RUFY4: variants seen among roughly 807,000 people sequenced by gnomAD.
RUFY4 encodes RUN and FYVE domain containing 4.
A neutral mutation model predicts 69.0 loss-of-function variants in RUFY4; 73 were observed. The ratio of observed to expected loss-of-function variants is 1.06; its 90% CI spans 0.88 to 1.29. RUFY4 has a LOEUF of 1.29. RUFY4 is among the 50% of genes most tolerant of loss of function. RUFY4 has a pLI of 0.00. For synonymous variants in RUFY4, 287 were observed against 271.8 expected (o/e 1.06, Z -0.55); for missense variants, 770 against 705.6 (o/e 1.09, Z -1.03).
At chr2:218,080,695 C>T (rs1248715513) in intron 8 of RUFY4, among the ~76,000 whole-genome samples, 1 of 152,192 alleles carries the variant, frequency 6.6e-6, no homozygotes, top group East Asian at 1.9e-4. Context: ...TCACATGACC[C>T]CCAGCCCCTG....
chr2:218,035,776 T>TC (rs1241491605), intron 2 of RUFY4, among the ~76,000 whole-genome samples: 3 of 152,076 alleles, frequency 2.0e-5, no homozygotes, highest in Non-Finnish European at 4.4e-5. Flanking sequence ...GGCACCCTGC[T>TC]CCCCCCACAC....
chr2:218,056,081 C>G (rs958926727), intron 2 of RUFY4, among the ~76,000 whole-genome samples: 1 of 152,224 alleles, frequency 6.6e-6, no homozygotes, highest in African/African-American at 2.4e-5. Context: ...AGGTGACACT[C>G]TCTGCTTTAA....
At chr2:218,083,685 T>G (rs1689823071) in intron 9 of RUFY4, among the ~76,000 whole-genome samples, 1 of 151,102 alleles carries the variant, frequency 6.6e-6, no homozygotes, top group Admixed American at 6.6e-5. Flanking sequence ...GAGGCAGAGG[T>G]TGCAGTGAGC....
At chr2:218,063,833 A>G (rs1031519981) in intron 3 of RUFY4, among the ~76,000 whole-genome samples, 3 of 152,142 alleles carry the variant, frequency 2.0e-5, no homozygotes, top group Non-Finnish European at 4.4e-5. Context: ...ACGTCAGCCC[A>G]TAAGGCAAGG....
intron 2 of RUFY4, among the ~76,000 whole-genome samples, chr2:218,049,186 C>A (rs900830445): frequency 1.2e-4 from 18 of 152,122 alleles, no homozygotes; most frequent in Admixed American, 2.6e-4. Flanking sequence ...AGGTTTGGGA[C>A]CTCATCATCT....
In RUFY4 at chr2:218,089,652, G is replaced by A. The variant is rs74675888; in HGVS notation, c.1613+290G>A. The A allele has an allele frequency of 3.6e-3, 2,508 of 702,578 alleles. 66 individuals carry two copies. The African/African-American group carries it at 0.037, about 10-fold the overall frequency. 43.5% of individuals were successfully genotyped at this position (702,578 alleles called of 1,614,324 possible). A position where few individuals can be genotyped will look rare whatever the true frequency, so the allele number is the denominator to read the frequency against. ...ATCTGGAAGGGAGCATCTGTACAGC[G>A]TAAGCTGCTCCCCCTCCTTCCTCTG... is the stretch of plus-strand genomic sequence containing the variant. On this transcript the variant is annotated intron_variant, in intron 10 of 10. Transcript: ENST00000344321.
At chr2:218,063,025 C>T (rs1388613934) in intron 3 of RUFY4, among the ~76,000 whole-genome samples, 1 of 152,258 alleles carries the variant, frequency 6.6e-6, no homozygotes, top group Non-Finnish European at 1.5e-5. Context: ...TTCAGTCCAT[C>T]TCTGCTGGCT....
chr2:218,040,890 C>T (rs943429522), intron 2 of RUFY4, among the ~76,000 whole-genome samples: 1 of 151,924 alleles, frequency 6.6e-6, no homozygotes, highest in East Asian at 1.9e-4. Flanking sequence ...CTCAAGGTCA[C>T]GAGACTTATT....
chr2:218,045,610 CTTTTG>C (rs1172005821), intron 2 of RUFY4, among the ~76,000 whole-genome samples: 9 of 151,884 alleles, frequency 5.9e-5, no homozygotes, highest in African/African-American at 1.7e-4. Flanking sequence ...CTAATTAACT[CTTTTG>C]TTTTGTTTGA....
At chr2:218,080,489 C>A (rs1331287685) in intron 8 of RUFY4, among the ~76,000 whole-genome samples, 1 of 152,172 alleles carries the variant, frequency 6.6e-6, no homozygotes, top group Non-Finnish European at 1.5e-5. Context: ...GTGGTCTGCC[C>A]TCTCTGGGCC....
chr2:218,088,399 A>C (rs1178475768), intron 9 of RUFY4, among the ~76,000 whole-genome samples: 1 of 151,598 alleles, frequency 6.6e-6, no homozygotes, highest in Non-Finnish European at 1.5e-5. Context: ...TAAAGGCTGC[A>C]GTGAGCTGTG....
chr2:218,076,080 C>T (rs569788131), intron 7 of RUFY4, among the ~76,000 whole-genome samples: 11 of 152,320 alleles, frequency 7.2e-5, no homozygotes, highest in African/African-American at 2.2e-4. Flanking sequence ...AGTCTCTTCC[C>T]GAAATCTAAG....
chr2:218,070,211 ACACC>A, upstream of RUFY4: 1 of 274,772 alleles, frequency 3.6e-6, no homozygotes, highest in South Asian at 4.2e-5. Flanking sequence ...GTGGGCACAG[ACACC>A]TGAGTTCAAG....
At position 218,057,595 on chromosome 2, in the gene RUFY4, A is replaced by G. The variant is rs1479238390; in HGVS notation, c.-1157-1000A>G. On this transcript the variant is annotated intron_variant and NMD_transcript_variant, in intron 2 of 13. Transcript: ENST00000457754. ...CCTGCCTGTTTTAAGGATACAATCCATTGTTTTTAGTAAACTAACAGAGCT... is the reference window on the plus strand; with the variant it reads ...CCTGCCTGTTTTAAGGATACAATCCGTTGTTTTTAGTAAACTAACAGAGCT... 2.6e-5 allele frequency among the ~76,000 whole-genome samples: 4 copies of G among 152,296 alleles called. No homozygotes were observed. In the South Asian group the frequency reaches 6.2e-4, roughly 24 times the overall value.
chr2:218,084,553 A>G (rs1689846599), intron 9 of RUFY4, among the ~76,000 whole-genome samples: 1 of 152,090 alleles, frequency 6.6e-6, no homozygotes, highest in African/African-American at 2.4e-5. Flanking sequence ...CAATATCCAA[A>G]TGGTATTAAG....
intron 3 of RUFY4, chr2:218,060,695 T>C (rs756487598): frequency 6.0e-6 from 8 of 1,341,026 alleles, no homozygotes; most frequent in Middle Eastern, 3.6e-4. Context: ...TTCTGCCCCA[T>C]ATGGGCCTTA....
upstream of RUFY4, chr2:218,070,225 G>A (rs113741423): frequency 0.011 from 3,078 of 288,520 alleles, 93 homozygotes; most frequent in African/African-American, 0.062. Flanking sequence ...CTGAGTTCAA[G>A]TCCTGGGTAC....
intron 2 of RUFY4, among the ~76,000 whole-genome samples, chr2:218,042,844 G>A (rs1372387987): frequency 6.6e-6 from 1 of 152,158 alleles, no homozygotes; most frequent in Non-Finnish European, 1.5e-5. Flanking sequence ...ATTTGATAAT[G>A]AGTGTGTTAC....
chr2:218,078,281 C>A (rs553417824), intron 8 of RUFY4, among the ~76,000 whole-genome samples: 7 of 152,224 alleles, frequency 4.6e-5, no homozygotes, highest in African/African-American at 1.7e-4. Flanking sequence ...GGTAATATGG[C>A]CAGGGAAGAC....
Sources: gnomAD v4.1 joint callset for allele counts (sites outside exome capture counted in the v4.1 genomes callset) on GRCh38, gnomAD v4.1.1 for gene constraint, MANE v1.5 for transcripts, NCBI Gene and HGNC (gene_info 2026-07-23, HGNC 2026-07-21) for gene names.